PCDHGB6: variants seen among roughly 807,000 people sequenced by gnomAD.
PCDHGB6 encodes the protein protocadherin gamma-B6.
PCDHGB6 carries 51 observed loss-of-function variants against 59.1 expected under a neutral mutation model. The observed-to-expected ratio is 0.86, with a 90% CI of 0.69 to 1.09. The LOEUF is 1.09. PCDHGB6 is among the 50% of genes least tolerant of loss of function. PCDHGB6 has a pLI of 0.00. For missense variants in PCDHGB6, 1,148 were observed against 1,205.1 expected (o/e 0.95, Z 0.70); for synonymous variants, 466 against 495.1 (o/e 0.94, Z 0.78).
intron 1 of PCDHGB6, among the ~76,000 whole-genome samples, chr5:141,465,063 C>T (rs187265709): frequency 8.5e-4 from 129 of 151,534 alleles, no homozygotes; most frequent in South Asian, 1.3e-3. Context: ...TTTGAATTGT[C>T]TGTTCATGTC....
chr5:141,443,650 CA>C (rs2098397782), intron 1 of PCDHGB6, among the ~76,000 whole-genome samples: 1 of 152,150 alleles, frequency 6.6e-6, no homozygotes. Flanking sequence ...ATAATGTTAG[CA>C]TAGCATTTTA....
chr5:141,479,277 TC>T (rs2099491823), intron 1 of PCDHGB6: 1 of 152,362 alleles, frequency 6.6e-6, no homozygotes, highest in African/African-American at 2.4e-5. Flanking sequence ...ATAATTTATT[TC>T]AAAAATAAAT....
intron 1 of PCDHGB6, chr5:141,426,745 A>G (rs866203428): frequency 6.2e-5 from 28 of 454,130 alleles, no homozygotes; most frequent in Middle Eastern, 6.5e-4. Context: ...TTTGGCCTGG[A>G]ATCTGCTATA....
chr5:141,501,971 G>A (rs2099812098), intron 2 of PCDHGB6, among the ~76,000 whole-genome samples: 1 of 151,956 alleles, frequency 6.6e-6, no homozygotes. Context: ...CCTAACCTCT[G>A]GCATCTGGTC....
chr5:141,429,374 TG>T (rs2097206438), intron 1 of PCDHGB6, among the ~76,000 whole-genome samples: 1 of 145,410 alleles, frequency 6.9e-6, no homozygotes, highest in South Asian at 2.2e-4. Context: ...ATGGAGAAAA[TG>T]TGTTTTTTTT....
intron 1 of PCDHGB6, chr5:141,416,401 T>C (rs2096020867): frequency 6.6e-6 from 1 of 152,204 alleles, no homozygotes; most frequent in African/African-American, 2.4e-5. Context: ...TGCTTTTGTC[T>C]TTTTTGTTAA....
chr5:141,430,629 C>A, intron 1 of PCDHGB6: 1 of 812,246 alleles, frequency 1.2e-6, no homozygotes. Context: ...AGGAATGAAC[C>A]ATCCCTGGGA....
chr5:141,494,801 C>T lies in PCDHGB6; in HGVS notation c.2419-6C>T, dbSNP rs2099757031. ...CTCAGCCCCTTTCCCTCTGTTTTCTCCACAGCAAGCCCCGCCCAACACGGA... is the reference window on the plus strand; with the variant it reads ...CTCAGCCCCTTTCCCTCTGTTTTCTTCACAGCAAGCCCCGCCCAACACGGA... On this transcript the variant is annotated splice_polypyrimidine_tract_variant and splice_region_variant and intron_variant, in intron 1 of 3. Transcript: ENST00000520790. The T allele has an allele frequency of 6.2e-7, 1 of 1,614,146 alleles. No individual in the cohort carries two copies. The highest frequency in any genetic ancestry group is 2.2e-5 in the East Asian group (1 of 44,880).
At chr5:141,453,865 A>T (rs1048679358) in intron 1 of PCDHGB6, among the ~76,000 whole-genome samples, 2 of 152,234 alleles carry the variant, frequency 1.3e-5, no homozygotes, top group African/African-American at 4.8e-5. Flanking sequence ...AAAATAACAG[A>T]TGAGCAAAAT....
intron 1 of PCDHGB6, among the ~76,000 whole-genome samples, chr5:141,463,736 G>A (rs757788192): frequency 1.3e-5 from 2 of 151,992 alleles, no homozygotes; most frequent in East Asian, 3.9e-4. Flanking sequence ...ATGAGCCACC[G>A]CGCCCGGCCT....
In PCDHGB6 at chr5:141,431,814, T is replaced by C. The variant is rs1300319049; in HGVS notation, c.2418+21194T>C. 1 of 1,614,246 alleles carries C rather than the reference T, an allele frequency of 6.2e-7. No homozygotes were observed. Among genetic ancestry groups the C allele is most frequent in the Non-Finnish European group, 8.5e-7 (1 of 1,180,044 alleles). ...GCCCCAGAAGTGGTCCTCACCTCTC[T>C]CGCCAGCTCGGTTCCCGAAAACTCT... On this transcript the variant is annotated intron_variant, in intron 1 of 3. Coordinates refer to ENST00000520790, the MANE Select transcript of PCDHGB6 (RefSeq NM_018926.3). The surrounding 1 kb of genome is among the most constrained non-coding windows in gnomAD (Gnocchi z 4.8).
intron 2 of PCDHGB6, among the ~76,000 whole-genome samples, chr5:141,503,614 A>G (rs1595875970): frequency 6.6e-6 from 1 of 151,640 alleles, no homozygotes; most frequent in South Asian, 2.1e-4. Flanking sequence ...AAAAAAAAAA[A>G]GAAAAAAGAA....
intron 1 of PCDHGB6, among the ~76,000 whole-genome samples, chr5:141,488,394 A>C (rs2099674951): frequency 1.3e-5 from 2 of 152,232 alleles, no homozygotes. Flanking sequence ...TGGTGAAACC[A>C]TGAAACCTAG....
At position 141,485,682 on chromosome 5, in the gene PCDHGB6, A is replaced by T. The variant is rs779441999; in HGVS notation, c.2419-9125A>T. 6.2e-7 allele frequency: 1 copy of T among 1,613,958 alleles called. No individual in the cohort carries two copies. Among genetic ancestry groups the T allele is most frequent in the Non-Finnish European group, 8.5e-7 (1 of 1,179,972 alleles). On this transcript the variant is annotated intron_variant, in intron 1 of 3. Transcript: ENST00000520790. This position sits in a 1 kb window ranked among gnomAD's most constrained non-coding sequence, Gnocchi z 5.7. ...GTGGGGAGCAATTCGATTAGCAGCT[A>T]TAGGCTGAGCTCCAATGAACACTTT...
chr5:141,454,796 ATTTTTTTTTT>A (rs61612330), intron 1 of PCDHGB6, among the ~76,000 whole-genome samples: 11 of 77,458 alleles, frequency 1.4e-4, no homozygotes, highest in East Asian at 8.0e-4. Flanking sequence ...CATGGTTCTA[ATTTTTTTTTT>A]TTTTTTTTTT....
intron 1 of PCDHGB6, among the ~76,000 whole-genome samples, chr5:141,462,288 G>A (rs1239615759): frequency 3.9e-5 from 6 of 152,196 alleles, no homozygotes; most frequent in Non-Finnish European, 7.3e-5. Flanking sequence ...CACCAAATAT[G>A]TAAGTATTAC....
At chr5:141,488,866 G>A (rs957501628) in intron 1 of PCDHGB6, among the ~76,000 whole-genome samples, 1 of 152,148 alleles carries the variant, frequency 6.6e-6, no homozygotes, top group African/African-American at 2.4e-5. Flanking sequence ...GAAGTGAGTG[G>A]GGAGGTAGGA....
intron 1 of PCDHGB6, chr5:141,420,437 T>G (rs2096496377): frequency 4.5e-6 from 5 of 1,109,618 alleles, no homozygotes; most frequent in Admixed American, 3.7e-5. Context: ...TTAAATTAAA[T>G]GCCTCAGTCT....
intron 2 of PCDHGB6, among the ~76,000 whole-genome samples, chr5:141,502,866 C>CTTTTT (rs549047197): frequency 1.6e-5 from 2 of 128,044 alleles, no homozygotes; most frequent in Non-Finnish European, 1.6e-5. Flanking sequence ...GACTCTCTGT[C>CTTTTT]TTTTTTTTTT....
Sources: gnomAD v4.1 joint callset for allele counts (sites outside exome capture counted in the v4.1 genomes callset) on GRCh38, gnomAD v4.1.1 for gene constraint, Gnocchi (gnomAD v3.1) non-coding constraint, MANE v1.5 for transcripts, NCBI Gene and HGNC (gene_info 2026-07-23, HGNC 2026-07-21) for gene names.